UBE2K: variants seen among roughly 807,000 people sequenced by gnomAD.
UBE2K encodes the protein ubiquitin-conjugating enzyme E2 K.
A neutral mutation model predicts 30.0 loss-of-function variants in UBE2K; 6 were observed. The ratio of observed to expected loss-of-function variants is 0.20; its 90% CI spans 0.11 to 0.39. The LOEUF (loss-of-function observed/expected upper bound fraction) is 0.39, where lower values mean the gene tolerates loss of function less well. UBE2K is among the 10% of genes least tolerant of loss of function. UBE2K has a pLI of 1.00. For synonymous variants in UBE2K, 86 were observed against 83.7 expected (o/e 1.03, Z -0.15); for missense variants, 61 against 241.6 (o/e 0.25, Z 4.96).
chr4:39,711,615 A>AT (rs907439046), intron 1 of UBE2K, among the ~76,000 whole-genome samples: 1 of 151,906 alleles, frequency 6.6e-6, no homozygotes, highest in Non-Finnish European at 1.5e-5. Context: ...CATTTTTATA[A>AT]TTTTTTGGGG....
intron 4 of UBE2K, among the ~76,000 whole-genome samples, chr4:39,765,946 CACACAT>C (rs1438925675): frequency 3.7e-5 from 5 of 133,642 alleles, no homozygotes; most frequent in African/African-American, 8.9e-5. Context: ...CATACACACA[CACACAT>C]ACACATACAC....
chr4:39,770,094 A>T (rs1026359905), intron 4 of UBE2K: 15 of 1,561,736 alleles, frequency 9.6e-6, no homozygotes, highest in Non-Finnish European at 1.3e-5. Context: ...GCGGATGAGG[A>T]CATTAATCTC....
intron 5 of UBE2K, 60 bp downstream of exon 5, chr4:39,774,993 G>T (rs1713200231): frequency 3.3e-6 from 4 of 1,198,430 alleles, no homozygotes; most frequent in Non-Finnish European, 4.7e-6. Flanking sequence ...AGCCACTTCA[G>T]TGGTTTGCAC....
intron 1 of UBE2K, among the ~76,000 whole-genome samples, chr4:39,715,025 A>ATTTT (rs905603415): frequency 4.5e-5 from 6 of 133,838 alleles, no homozygotes; most frequent in African/African-American, 1.1e-4. Flanking sequence ...CTCTTGGCTA[A>ATTTT]TTTTTTTTTT....
chr4:39,763,104 A>G (rs1712073477), intron 4 of UBE2K, among the ~76,000 whole-genome samples: 1 of 148,184 alleles, frequency 6.7e-6, no homozygotes, highest in Non-Finnish European at 1.5e-5. Flanking sequence ...CACCATGCCC[A>G]GCTAATATTT....
At chr4:39,778,324 G>C (rs1342895566) in intron 6 of UBE2K, 36 bp from the exon 7 acceptor site, 1 of 1,367,902 alleles carries the variant, frequency 7.3e-7, no homozygotes, top group Non-Finnish European at 1.0e-6. Flanking sequence ...ATGTTTCCTT[G>C]AGATTTAATT....
At chr4:39,707,925 T>A (rs1718457703) in intron 1 of UBE2K, among the ~76,000 whole-genome samples, 1 of 151,786 alleles carries the variant, frequency 6.6e-6, no homozygotes, top group Admixed American at 6.6e-5. Flanking sequence ...TGAGACAGTT[T>A]TGCTCTTGTT....
rs577258724 is a variant in UBE2K, at chr4:39,750,217, G to A, written c.216+4407G>A. Among the ~76,000 whole-genome samples, 10 of 152,010 alleles carry A rather than the reference G, an allele frequency of 6.6e-5. No homozygotes were observed. In the East Asian group the frequency reaches 1.7e-3, roughly 26 times the overall value. On this transcript the variant is annotated intron_variant, in intron 3 of 6. Coordinates refer to ENST00000261427, the MANE Select transcript of UBE2K (RefSeq NM_005339.5). ...TCAAAAAAAACAAAAACAAAAAAAA[G>A]CAAGAAACACACTTCACATATCTTC...
chr4:39,732,214 C>T (rs1447763902), intron 1 of UBE2K, among the ~76,000 whole-genome samples: 1 of 152,126 alleles, frequency 6.6e-6, no homozygotes, highest in Non-Finnish European at 1.5e-5. Context: ...CTATCTTATC[C>T]TTAGTTGACA....
At chr4:39,741,117 A>G (rs1720679572) in intron 2 of UBE2K, among the ~76,000 whole-genome samples, 1 of 151,854 alleles carries the variant, frequency 6.6e-6, no homozygotes, top group Non-Finnish European at 1.5e-5. Flanking sequence ...CTAAAAATAC[A>G]AAAATTAGCT....
At chr4:39,705,798 C>T (rs2109305390) in intron 1 of UBE2K, among the ~76,000 whole-genome samples, 1 of 151,722 alleles carries the variant, frequency 6.6e-6, no homozygotes, top group South Asian at 2.1e-4. Context: ...ACCAATACCT[C>T]AGCCTCTGGA....
intron 4 of UBE2K, among the ~76,000 whole-genome samples, chr4:39,762,397 G>T (rs916438037): frequency 6.6e-6 from 1 of 151,924 alleles, no homozygotes; most frequent in Non-Finnish European, 1.5e-5. Context: ...GGTGTGGTAG[G>T]CTGTTTTTGC....
At chr4:39,749,180 A>G (rs1409094251) in intron 3 of UBE2K, among the ~76,000 whole-genome samples, 1 of 152,232 alleles carries the variant, frequency 6.6e-6, no homozygotes, top group Non-Finnish European at 1.5e-5. Flanking sequence ...TATGCAATAA[A>G]TTATTGACCG....
rs960878169 is a variant in UBE2K, at chr4:39,779,193, ACT to A, written c.*762_*763del. The A allele has an allele frequency of 4.5e-4, 69 of 152,066 alleles. No individual in the cohort carries two copies. The highest frequency in any genetic ancestry group is 1.6e-3 in the African/African-American group (68 of 41,480). The allele number at this position is 152,066 out of a possible 1,614,324, so 9.4% of individuals were successfully genotyped here. On this transcript the variant is annotated 3_prime_UTR_variant, in exon 7 of 7. Coordinates refer to ENST00000261427, the MANE Select transcript of UBE2K (RefSeq NM_005339.5). ...AATGTCTTGTCCCAGTTCTTCAAAC[ACT>A]CTTAAATTTTTCTTAAGTAATGTAA...
intron 1 of UBE2K, among the ~76,000 whole-genome samples, chr4:39,713,286 A>ATTTTTTT (rs56104487): frequency 3.6e-5 from 3 of 83,582 alleles, no homozygotes; most frequent in Non-Finnish European, 6.3e-5. Flanking sequence ...TCTGTAGGAA[A>ATTTTTTT]TTTTTTTTTT....
rs1394232090 is a variant in UBE2K, at chr4:39,778,831, T to C, written c.*397T>C. ...CAAATTGTTGGTGTTGCATCACAGCTACCTTAACTGTTTTTAACATGGATC... is the reference window on the plus strand; with the variant it reads ...CAAATTGTTGGTGTTGCATCACAGCCACCTTAACTGTTTTTAACATGGATC... On this transcript the variant is annotated 3_prime_UTR_variant, in exon 7 of 7. Coordinates refer to ENST00000261427, the MANE Select transcript of UBE2K (RefSeq NM_005339.5). The C allele has an allele frequency of 1.3e-5, 2 of 155,816 alleles. No individual in the cohort carries two copies. Among genetic ancestry groups the C allele is most frequent in the Admixed American group, 1.3e-4 (2 of 15,662 alleles). 9.7% of individuals were successfully genotyped at this position (155,816 alleles called of 1,614,324 possible). A position where few individuals can be genotyped will look rare whatever the true frequency, so the allele number is the denominator to read the frequency against.
At chr4:39,730,025 A>T (rs574931539) in intron 1 of UBE2K, among the ~76,000 whole-genome samples, 9 of 152,230 alleles carry the variant, frequency 5.9e-5, no homozygotes, top group Non-Finnish European at 1.2e-4. Context: ...ATAACTATTG[A>T]TACAGGTTAG....
chr4:39,714,550 A>ATATATTTTTTTTTTTTTTTTTTT, intron 1 of UBE2K: 1 of 17,854 alleles, frequency 5.6e-5, no homozygotes, highest in Non-Finnish European at 8.7e-5. Context: ...ATATATATAT[A>ATATATTTTTTTTTTTTTTTTTTT]TTTTTTTTTT....
intron 1 of UBE2K, among the ~76,000 whole-genome samples, chr4:39,704,829 A>G (rs1234505742): frequency 2.0e-5 from 3 of 149,210 alleles, no homozygotes; most frequent in Admixed American, 2.0e-4. Context: ...GACGTGAGCC[A>G]CCATGCTTGG....
Sources: allele counts gnomAD v4.1 joint callset (sites outside exome capture counted in the v4.1 genomes callset), GRCh38; gene constraint gnomAD v4.1.1; transcripts MANE v1.5; gene names NCBI Gene and HGNC (gene_info 2026-07-23, HGNC 2026-07-21).